The following NT5DC2 variants were observed in gnomAD, a reference collection of about 807,000 sequenced individuals.
NT5DC2 encodes the protein 5'-nucleotidase domain containing 2.
In NT5DC2, 41 loss-of-function variants were observed where a neutral mutation model predicts 70.0. That is an observed-to-expected ratio of 0.59 (90% CI 0.46 to 0.76). NT5DC2 has a LOEUF of 0.76. NT5DC2 is among the 30% of genes least tolerant of loss of function. The probability of loss-of-function intolerance (pLI) is 0.00; values close to 1 mark genes in which losing one functional copy is unlikely to be tolerated. For synonymous variants in NT5DC2, 299 were observed against 310.4 expected, an observed-to-expected ratio of 0.96 and a Z score of 0.39; for missense variants, 705 against 783.2, an observed-to-expected ratio of 0.90 and a Z score of 1.19.
At chr3:52,525,726 A>G in intron 10 of NT5DC2, 1 of 177,670 alleles carries the variant, frequency 5.6e-6, no homozygotes, top group Non-Finnish European at 1.2e-5. Flanking sequence ...AAAGATGGAG[A>G]CACTCAGCCA....
At position 52,524,858 on chromosome 3, in the gene NT5DC2, C is replaced by T; in HGVS notation, c.1371G>A (p.Arg457=). 6.2e-7 allele frequency: 1 copy of T among 1,612,368 alleles called. No homozygotes were observed. The highest frequency in any genetic ancestry group is 8.5e-7 in the Non-Finnish European group (1 of 1,179,748). Residue 457 remains arginine (R), a synonymous_variant, in exon 13 of 14, where the codon AGG becomes AGA. Coordinates refer to ENST00000422318, the MANE Select transcript of NT5DC2 (RefSeq NM_001134231.2). Reference sequence around the variant, plus strand: ...CTTTCATCCAGGCAGCCAGCACCTGCCTCGACTCCGCGTCCTGATAGGTCT... The same window carrying T: ...CTTTCATCCAGGCAGCCAGCACCTGTCTCGACTCCGCGTCCTGATAGGTCT... ...RMQTYQDAES[R]QVLAAWMKER... is the part of the protein sequence containing the mutation.
intron 10 of NT5DC2, chr3:52,526,197 G>A (rs1228469587): frequency 6.6e-6 from 1 of 152,404 alleles, no homozygotes; most frequent in Non-Finnish European, 1.5e-5. Flanking sequence ...TGGATGCCAA[G>A]GCAGGGGAGA....
chr3:52,528,975 G>A lies in NT5DC2; in HGVS notation c.418-40C>T. 3 of 1,609,812 alleles carry A rather than the reference G, an allele frequency of 1.9e-6. No homozygotes were observed. The South Asian group carries it at 3.3e-5, about 18-fold the overall frequency. On this transcript the variant is annotated intron_variant, in intron 2 of 13. Coordinates refer to ENST00000422318, the MANE Select transcript of NT5DC2 (RefSeq NM_001134231.2). ...GGGCCAGGCCTAAGCCAATAGCCCT[G>A]CCAGACCTGCTGGCTGGGTGGCCAC...
At position 52,527,841 on chromosome 3, in the gene NT5DC2, G is replaced by T; in HGVS notation, c.923C>A (p.Pro308His). The change falls in exon 8 of 14, where the codon CCT (proline) becomes CAT (histidine). Residue 308 changes from proline to histidine, a missense_variant. Physicochemically the swap from Pro to His is moderately conservative, Grantham distance 77. Coordinates refer to ENST00000422318, the MANE Select transcript of NT5DC2 (RefSeq NM_001134231.2). ...GGGCTGGACTCACACGAAGCTGAAA[G>T]GACTGTTGGTGATGAGGAACAGCTG... ...GKQLFLITNS[P>H]FSFVDKGMRH... The T allele has an allele frequency of 6.2e-7, 1 of 1,613,380 alleles. No individual in the cohort carries two copies. The highest frequency in any genetic ancestry group is 8.5e-7 in the Non-Finnish European group (1 of 1,180,016).
chr3:52,528,912 A>G lies in NT5DC2; in HGVS notation c.441T>C (p.Tyr147=). 1 of 1,614,054 alleles carries G rather than the reference A, an allele frequency of 6.2e-7. No homozygotes were observed. The highest frequency in any genetic ancestry group is 1.1e-5 in the South Asian group (1 of 91,086). The change falls in exon 3 of 14, where the codon TAT becomes TAC. Residue 147 remains tyrosine, a synonymous_variant. Transcript: ENST00000422318. ...HYKYPEGIRK[Y]DYNPSFAIRG... ...GGATGGCAAAGCTGGGGTTGTAGTC[A>G]TACTTCCGAATCCCTTCTGGGTACT...
intron 1 of NT5DC2, 107 bp downstream of exon 1, chr3:52,533,391 GGCCCTGGC>G: frequency 8.7e-7 from 1 of 1,150,134 alleles, no homozygotes; most frequent in Non-Finnish European, 1.2e-6. Flanking sequence ...TGCGCTCCGG[GGCCCTGGC>G]GAGCCCCACT....
At chr3:52,533,927 C>T (rs1443888733), upstream of NT5DC2, 1 of 753,958 alleles carries the variant, frequency 1.3e-6, no homozygotes, top group Non-Finnish European at 1.6e-6. Flanking sequence ...AGGCCCCGGA[C>T]CCGGCGGGGC....
upstream of NT5DC2, chr3:52,534,791 G>A (rs116130989): frequency 1.3e-3 from 1,328 of 1,059,414 alleles, 14 homozygotes; most frequent in African/African-American, 0.019. Context: ...AGGTGGCCGC[G>A]CTGTCTTTCA....
intron 10 of NT5DC2, among the ~76,000 whole-genome samples, chr3:52,526,933 G>C (rs1195219401): frequency 1.3e-5 from 2 of 152,174 alleles, no homozygotes; most frequent in Non-Finnish European, 2.9e-5. Context: ...CAAACTGCTG[G>C]GATTATAGGC....
At chr3:52,527,470 G>T in intron 9 of NT5DC2, 95 bp from the exon 10 acceptor site, 1 of 1,478,890 alleles carries the variant, frequency 6.8e-7, no homozygotes, top group Non-Finnish European at 9.4e-7. Context: ...ACCTGCTCAA[G>T]TGGACCCATG....
In NT5DC2 at chr3:52,525,236, G is replaced by A. The variant is rs370982533; in HGVS notation, c.1179C>T (p.Phe393=). 21 of 1,612,496 alleles carry A rather than the reference G, an allele frequency of 1.3e-5. No individual in the cohort carries two copies. The highest frequency in any genetic ancestry group is 1.6e-4 in the Middle Eastern group (1 of 6,084). ...TEWRGPRVLY[F]GDHLYSDLAD... ...CCAGATCACTATAGAGGTGGTCCCC[G>A]AAGTAGAGCACGCGGGGGCCACGCC... Residue 393 remains phenylalanine (F), a synonymous_variant, in exon 11 of 14, where the codon TTC becomes TTT. Transcript: ENST00000422318.
chr3:52,529,076 C>T lies in NT5DC2; in HGVS notation c.417+74G>A. The T allele has an allele frequency of 6.2e-7, 1 of 1,603,086 alleles. No homozygotes were observed. Among genetic ancestry groups the T allele is most frequent in the Non-Finnish European group, 8.5e-7 (1 of 1,171,638 alleles). ...GCCAGGGGAGCCCCACGACTCAGCC[C>T]TGAGCTTAGGCCAAGGTGGGTCTGG... On this transcript the variant is annotated intron_variant, in intron 2 of 13. Transcript: ENST00000422318. The surrounding 1 kb of genome is among the most constrained non-coding windows in gnomAD (Gnocchi z 4.1).
rs756757184 is a variant in NT5DC2, at chr3:52,528,216, C to T, written c.738G>A (p.Glu246=). 6.2e-7 allele frequency: 1 copy of T among 1,613,350 alleles called. No homozygotes were observed. Among genetic ancestry groups the T allele is most frequent in the South Asian group, 1.1e-5 (1 of 91,090 alleles). The part of the protein sequence containing the change: ...VVDYFLGHSL[E]FDQAHLYKDV... ...CCTTGTAGAGATGTGCTTGGTCAAA[C>T]TCCAGGCTGTGGCCCAGAAAGTAGT... The change falls in exon 6 of 14, where the codon GAG becomes GAA. Residue 246 remains glutamate (E), a synonymous_variant. Transcript: ENST00000422318.
In NT5DC2 at chr3:52,532,096, C is replaced by T. The variant is rs553728621; in HGVS notation, c.232+1410G>A. On this transcript the variant is annotated intron_variant, in intron 1 of 13. Transcript: ENST00000422318. ...GGGACCTGTTGCACTGCTCTCAGCC[C>T]GTGGGCATTAGCCCAAAGCGGACCT... is the stretch of plus-strand genomic sequence containing the variant. 29 of 780,054 alleles carry T rather than the reference C, an allele frequency of 3.7e-5. No homozygotes were observed. In the East Asian group the frequency reaches 1.0e-3, roughly 27 times the overall value. The allele number at this position is 780,054 out of a possible 1,614,324, so 48.3% of individuals were successfully genotyped here. A position where few individuals can be genotyped will look rare whatever the true frequency, so the allele number is the denominator to read the frequency against.
Position 52,527,381 on chromosome 3 carries a change from G to A in NT5DC2, c.1038-6C>T, listed in dbSNP as rs1208107832. 1.9e-6 allele frequency: 3 copies of A among 1,613,908 alleles called. No homozygotes were observed. The highest frequency in any genetic ancestry group is 2.7e-5 in the African/African-American group (2 of 74,942). On this transcript the variant is annotated splice_region_variant and splice_polypyrimidine_tract_variant and intron_variant, in intron 9 of 13. Coordinates refer to ENST00000422318, the MANE Select transcript of NT5DC2 (RefSeq NM_001134231.2). ...CATCGAGTTTTCTGAAAGGCCTGGG[G>A]TGCAGGTAAAGGGCATGACTTCCAG...
rs17851191 is a variant in NT5DC2 at position 52,527,867 on chromosome 3, T to C, written c.897A>G (p.Lys299=). ...GACTGTTGGTGATGAGGAACAGCTG[T>C]TTCCCATGGGCCACCAGGCGGCTCA... ...AVLSRLVAHG[K]QLFLITNSPF... The change falls in exon 8 of 14, where the codon AAA becomes AAG. Residue 299 remains lysine, a synonymous_variant. Transcript: ENST00000422318. 6.2e-7 allele frequency: 1 copy of C among 1,613,442 alleles called. No homozygotes were observed. Among genetic ancestry groups the C allele is most frequent in the African/African-American group, 1.3e-5 (1 of 75,054 alleles).
rs2079307117 is a variant in NT5DC2, at chr3:52,528,168, G to A, written c.771+15C>T. ...AGTCTTTCCTGCCATCCGAGGGCAG[G>A]CCCAGCATCCTCACCGTCACGTCCT... On this transcript the variant is annotated intron_variant, in intron 6 of 13. Transcript: ENST00000422318. 1 of 1,612,972 alleles carries A rather than the reference G, an allele frequency of 6.2e-7. No individual in the cohort carries two copies. The highest frequency in any genetic ancestry group is 1.3e-5 in the African/African-American group (1 of 74,946).
In NT5DC2 at chr3:52,528,043, G is replaced by A. The variant is rs776539707; in HGVS notation, c.802C>T (p.Leu268Phe). The change falls in exon 7 of 14, where the codon CTC (leucine) becomes TTC (phenylalanine). Residue 268 changes from leucine (L) to phenylalanine (F), a missense_variant. By Grantham distance (22) the Leu-to-Phe change is conservative. Coordinates refer to ENST00000422318, the MANE Select transcript of NT5DC2 (RefSeq NM_001134231.2). ...TCCTGCTCGATCCACTGGTACATGA[G>A]GCCCTTCACATGCACGTCTCGGATG... ...DAIRDVHVKG[L>F]MYQWIEQDME... is the part of the protein sequence containing the mutation. 1 of 1,612,290 alleles carries A rather than the reference G, an allele frequency of 6.2e-7. No individual in the cohort carries two copies. The highest frequency in any genetic ancestry group is 2.2e-5 in the East Asian group (1 of 44,854).
chr3:52,529,197 G>T lies in NT5DC2; in HGVS notation c.370C>A (p.Pro124Thr). ...TCACGGGCGGTACTGAAGATCTCGG[G>T]GTGCAGTGCGTCTGCATACTGGGCC... ...TLAQYADALH[P>T]EIFSTARDIL... The change falls in exon 2 of 14, where the codon CCC becomes ACC. Residue 124 changes from proline to threonine, a missense_variant. Physicochemically the swap from Pro to Thr is conservative, Grantham distance 38. Transcript: ENST00000422318. This position sits in a 1 kb window ranked among gnomAD's most constrained non-coding sequence, Gnocchi z 4.1. The T allele has an allele frequency of 1.9e-6, 3 of 1,614,080 alleles. No homozygotes were observed. In the South Asian group the frequency reaches 3.3e-5, roughly 18 times the overall value.
Sources: gnomAD v4.1 joint callset for allele counts (sites outside exome capture counted in the v4.1 genomes callset) on GRCh38, gnomAD v4.1.1 for gene constraint, Gnocchi (gnomAD v3.1) non-coding constraint, MANE v1.5 for transcripts, NCBI Gene and HGNC (gene_info 2026-07-23, HGNC 2026-07-21) for gene names.